PLCB1: variants seen among roughly 807,000 people sequenced by gnomAD.
The protein encoded by PLCB1 is phospholipase C beta 1.
PLCB1 carries 46 observed loss-of-function variants against 161.8 expected under a neutral mutation model. That is an observed-to-expected ratio of 0.28 (90% CI 0.22 to 0.36). PLCB1 has a LOEUF of 0.36. PLCB1 is among the 10% of genes least tolerant of loss of function. PLCB1 has a pLI of 1.00. For synonymous variants in PLCB1, 517 were observed against 503.7 expected (o/e 1.03, Z -0.35); for missense variants, 1,016 against 1,472.5 (o/e 0.69, Z 5.07).
chr20:8,412,121 T>G (rs1012363483), intron 3 of PLCB1, among the ~76,000 whole-genome samples: 6 of 152,174 alleles, frequency 3.9e-5, no homozygotes. Context: ...TTATTGCATG[T>G]GGAGGAATAC....
chr20:8,292,847 T>G (rs961798373), intron 2 of PLCB1, among the ~76,000 whole-genome samples: 5 of 152,168 alleles, frequency 3.3e-5, no homozygotes, highest in African/African-American at 1.2e-4. Flanking sequence ...GAGCATTAAG[T>G]TAATTAACAT....
At chr20:8,694,455 T>C (rs1383413531) in intron 10 of PLCB1, among the ~76,000 whole-genome samples, 2 of 152,194 alleles carry the variant, frequency 1.3e-5, no homozygotes, top group Non-Finnish European at 2.9e-5. Context: ...TTCCTTTGCA[T>C]CTCACAAACC....
intron 9 of PLCB1, among the ~76,000 whole-genome samples, chr20:8,680,122 A>G (rs6133600): frequency 0.082 from 12,408 of 152,206 alleles, 709 homozygotes; most frequent in East Asian, 0.17. Flanking sequence ...GTGTTTTGTT[A>G]TCTTAATTCT....
At chr20:8,390,066 C>A (rs901171374) in intron 3 of PLCB1, among the ~76,000 whole-genome samples, 3 of 152,148 alleles carry the variant, frequency 2.0e-5, no homozygotes, top group African/African-American at 7.2e-5. Flanking sequence ...TTAAACTTGA[C>A]CACTATACTT....
intron 3 of PLCB1, among the ~76,000 whole-genome samples, chr20:8,565,369 G>A (rs6086502): frequency 6.6e-6 from 1 of 152,168 alleles, no homozygotes; most frequent in Non-Finnish European, 1.5e-5. Flanking sequence ...GATATCATTA[G>A]GAGAAATACC....
intron 31 of PLCB1, among the ~76,000 whole-genome samples, chr20:8,804,362 G>A (rs887495403): frequency 1.3e-5 from 2 of 152,098 alleles, no homozygotes; most frequent in Non-Finnish European, 1.5e-5. Context: ...TTAAGAAAGA[G>A]ACAAATATCC....
intron 2 of PLCB1, among the ~76,000 whole-genome samples, chr20:8,204,991 G>A (rs1978450840): frequency 6.6e-6 from 1 of 151,860 alleles, no homozygotes; most frequent in African/African-American, 2.4e-5. Context: ...TGCCATCTGT[G>A]ATAATAAGTT....
chr20:8,800,744 CA>C (rs11475434), intron 31 of PLCB1, among the ~76,000 whole-genome samples: 90,556 of 151,972 alleles, frequency 0.6, 29,314 homozygotes, highest in East Asian at 0.71. Flanking sequence ...TTAGGTTTTG[CA>C]AAATACACAG....
intron 3 of PLCB1, among the ~76,000 whole-genome samples, chr20:8,463,710 A>G (rs1297069093): frequency 6.6e-6 from 1 of 152,148 alleles, no homozygotes; most frequent in Non-Finnish European, 1.5e-5. Context: ...TACTCCAGAA[A>G]TTTTGGCTTG....
chr20:8,323,446 C>T (rs1015833149), intron 2 of PLCB1, among the ~76,000 whole-genome samples: 1 of 152,164 alleles, frequency 6.6e-6, no homozygotes, highest in South Asian at 2.1e-4. Flanking sequence ...ATCTCAAAAG[C>T]TTCCTTCCCC....
intron 2 of PLCB1, among the ~76,000 whole-genome samples, chr20:8,246,900 C>T (rs554044968): frequency 1.3e-5 from 2 of 151,964 alleles, no homozygotes; most frequent in South Asian, 4.1e-4. Flanking sequence ...CCCTCATGCT[C>T]TTGAAGTCCT....
intron 31 of PLCB1, among the ~76,000 whole-genome samples, chr20:8,879,933 A>G (rs73089693): frequency 0.026 from 3,924 of 152,254 alleles, 78 homozygotes; most frequent in Middle Eastern, 0.075. Flanking sequence ...GGCTGAGAGT[A>G]GAACCCAGAC....
chr20:8,509,735 TAGATA>T (rs1252123123), intron 3 of PLCB1, among the ~76,000 whole-genome samples: 16 of 15,688 alleles, frequency 1.0e-3, no homozygotes, highest in Middle Eastern at 0.056. Context: ...AGATCATAGA[TAGATA>T]GATAGATAGA....
At chr20:8,613,142 T>A (rs1987948652) in intron 3 of PLCB1, among the ~76,000 whole-genome samples, 1 of 152,250 alleles carries the variant, frequency 6.6e-6, no homozygotes, top group Non-Finnish European at 1.5e-5. Flanking sequence ...AATAATATGT[T>A]GAAAGGCACC....
intron 31 of PLCB1, among the ~76,000 whole-genome samples, chr20:8,875,203 G>C (rs1408465349): frequency 2.0e-5 from 3 of 150,508 alleles, no homozygotes; most frequent in Admixed American, 6.6e-5. Flanking sequence ...TTTTCATCTA[G>C]ATAAAGATAT....
intron 2 of PLCB1, among the ~76,000 whole-genome samples, chr20:8,185,995 A>G (rs1468612982): frequency 6.6e-6 from 1 of 152,182 alleles, no homozygotes; most frequent in Non-Finnish European, 1.5e-5. Context: ...TTCTACCTCA[A>G]AACGTTGTTA....
chr20:8,657,365 T>A, intron 8 of PLCB1, 81 bp downstream of exon 8: 2 of 818,514 alleles, frequency 2.4e-6, no homozygotes, highest in Non-Finnish European at 4.3e-6. Flanking sequence ...GGAGTGGTAA[T>A]TGGAGATGGA....
intron 3 of PLCB1, among the ~76,000 whole-genome samples, chr20:8,535,001 T>C (rs1402545003): frequency 6.6e-6 from 1 of 151,044 alleles, no homozygotes; most frequent in South Asian, 2.1e-4. Flanking sequence ...AGCATGCAGA[T>C]GGTAAGAAAA....
intron 31 of PLCB1, among the ~76,000 whole-genome samples, chr20:8,865,600 T>C (rs1416835969): frequency 1.3e-5 from 2 of 152,222 alleles, no homozygotes; most frequent in Admixed American, 1.3e-4. Context: ...GAGTTTCCAG[T>C]TGATGAACAG....
Sources: allele counts gnomAD v4.1 joint callset (sites outside exome capture counted in the v4.1 genomes callset), GRCh38; gene constraint gnomAD v4.1.1; transcripts MANE v1.5; gene names NCBI Gene and HGNC (gene_info 2026-07-23, HGNC 2026-07-21).